Variants in DGUOK observed in about 807,000 individuals in gnomAD.
DGUOK encodes the protein deoxyguanosine kinase.
In DGUOK, 30 loss-of-function variants were observed where a neutral mutation model predicts 36.6. That is an observed-to-expected ratio of 0.82 (90% CI 0.61 to 1.11). The LOEUF (loss-of-function observed/expected upper bound fraction) is 1.11, where lower values mean the gene tolerates loss of function less well. Among genes scored for constraint, DGUOK ranks in the 50% most tolerant of loss-of-function variants. The pLI is 0.00. For synonymous variants in DGUOK, 145 were observed against 126.3 expected (o/e 1.15, Z -0.99); for missense variants, 361 against 336.4 (o/e 1.07, Z -0.57).
At chr2:73,947,256 T>G (rs1682403470) in intron 3 of DGUOK, 1 of 301,562 alleles carries the variant, frequency 3.3e-6, no homozygotes, top group Non-Finnish European at 6.5e-6. Flanking sequence ...GCAGTGTATA[T>G]TCTAAGAAAT....
At chr2:73,938,501 G>T (rs1025373686) in intron 1 of DGUOK, among the ~76,000 whole-genome samples, 2 of 152,158 alleles carry the variant, frequency 1.3e-5, no homozygotes, top group African/African-American at 4.8e-5. Flanking sequence ...TTGAATGAAT[G>T]AGATTATAAT....
intron 4 of DGUOK, among the ~76,000 whole-genome samples, chr2:73,956,366 A>C: frequency 6.6e-6 from 1 of 152,218 alleles, no homozygotes; most frequent in East Asian, 1.9e-4. Flanking sequence ...AACATTTTAT[A>C]AATGCAATGC....
Position 73,958,775 on chromosome 2 carries a change from G to A in DGUOK, c.*39G>A, listed in dbSNP as rs201916726. ...GTTCAGGCTGTGATCTGGGCTCCCTGACTTTCTGAAGCTAGAAAAATGTTG... is the reference window on the plus strand; with the variant it reads ...GTTCAGGCTGTGATCTGGGCTCCCTAACTTTCTGAAGCTAGAAAAATGTTG... On this transcript the variant is annotated 3_prime_UTR_variant, in exon 7 of 7. Transcript: ENST00000264093. 3.2e-6 allele frequency: 5 copies of A among 1,584,156 alleles called. No individual in the cohort carries two copies. Among genetic ancestry groups the A allele is most frequent in the Non-Finnish European group, 4.3e-6 (5 of 1,152,642 alleles).
rs1396535452 is a variant in DGUOK, at chr2:73,958,883, T to A, written c.*147T>A. ...TCAAGAGCTGGTTTGTTAATTATTG[T>A]TAGACTTTGCCATTGTTTTCTTTTG... On this transcript the variant is annotated 3_prime_UTR_variant, in exon 7 of 7. Coordinates refer to ENST00000264093, the MANE Select transcript of DGUOK (RefSeq NM_080916.3). The A allele has an allele frequency of 1.4e-6, 1 of 698,956 alleles. No homozygotes were observed. The highest frequency in any genetic ancestry group is 1.8e-5 in the African/African-American group (1 of 55,510). 43.3% of individuals were successfully genotyped at this position (698,956 alleles called of 1,614,324 possible). A position where few individuals can be genotyped will look rare whatever the true frequency, so the allele number is the denominator to read the frequency against.
intron 2 of DGUOK, among the ~76,000 whole-genome samples, chr2:73,941,665 G>A (rs1681910894): frequency 6.6e-6 from 1 of 152,014 alleles, no homozygotes; most frequent in Non-Finnish European, 1.5e-5. Context: ...TATTTTGAAT[G>A]TTTAGTTTTC....
At chr2:73,931,416 A>G (rs13429684) in intron 1 of DGUOK, among the ~76,000 whole-genome samples, 4 of 152,188 alleles carry the variant, frequency 2.6e-5, no homozygotes, top group Admixed American at 1.3e-4. Flanking sequence ...CTGAGACTAC[A>G]GGCATGTGCC....
chr2:73,927,355 G>A (rs183980533), intron 1 of DGUOK, among the ~76,000 whole-genome samples: 248 of 152,298 alleles, frequency 1.6e-3, no homozygotes, highest in African/African-American at 5.8e-3. Context: ...GCGACAAGCG[G>A]GTGCAGTTTA....
In DGUOK at chr2:73,934,002, A is replaced by AT. The variant is rs538211604; in HGVS notation, c.143-4900dup. Among the ~76,000 whole-genome samples the AT allele has an allele frequency of 4.5e-3, 688 of 152,144 alleles. 5 individuals are homozygous for AT. Among genetic ancestry groups the AT allele is most frequent in the Admixed American group, 5.4e-3 (82 of 15,268 alleles). On this transcript the variant is annotated intron_variant, in intron 1 of 6. Coordinates refer to ENST00000264093, the MANE Select transcript of DGUOK (RefSeq NM_080916.3). ...TTTTGGTAAAAGATTTCAGAATTGG[A>AT]TTTTTTTTCTCATGTTTTTCATCTT...
chr2:73,951,030 C>G (rs1239049096), intron 4 of DGUOK, among the ~76,000 whole-genome samples: 1 of 152,112 alleles, frequency 6.6e-6, no homozygotes, highest in Non-Finnish European at 1.5e-5. Context: ...GTGGGACGCT[C>G]TGACCTGTAG....
intron 1 of DGUOK, among the ~76,000 whole-genome samples, chr2:73,931,453 T>C (rs1681031323): frequency 6.6e-6 from 1 of 152,148 alleles, no homozygotes; most frequent in African/African-American, 2.4e-5. Flanking sequence ...ACATGCAGTT[T>C]TAATGAAAGA....
intron 1 of DGUOK, among the ~76,000 whole-genome samples, chr2:73,934,121 G>A (rs1681270865): frequency 6.6e-6 from 1 of 152,066 alleles, no homozygotes; most frequent in South Asian, 2.1e-4. Context: ...GTTATTTTGG[G>A]TATTACATCA....
intron 3 of DGUOK, among the ~76,000 whole-genome samples, chr2:73,947,470 T>C (rs532889529): frequency 6.6e-6 from 1 of 152,300 alleles, no homozygotes; most frequent in African/African-American, 2.4e-5. Flanking sequence ...GTGAGAGGGC[T>C]TTTTGCTGGC....
intron 4 of DGUOK, among the ~76,000 whole-genome samples, chr2:73,956,133 G>T (rs756334843): frequency 4.6e-5 from 7 of 152,154 alleles, no homozygotes; most frequent in Non-Finnish European, 1.0e-4. Flanking sequence ...TGTGTGACAG[G>T]TAAAGAAGAT....
intron 2 of DGUOK, among the ~76,000 whole-genome samples, chr2:73,943,051 C>G (rs949986564): frequency 6.6e-6 from 1 of 151,986 alleles, no homozygotes; most frequent in African/African-American, 2.4e-5. Flanking sequence ...ATGTACTATT[C>G]CATTAATTTG....
chr2:73,937,428 G>C (rs574542317), intron 1 of DGUOK, among the ~76,000 whole-genome samples: 11 of 152,352 alleles, frequency 7.2e-5, no homozygotes, highest in Admixed American at 4.6e-4. Context: ...AGAGAGCAAG[G>C]CCAGCATCAG....
intron 2 of DGUOK, among the ~76,000 whole-genome samples, chr2:73,945,082 C>CG (rs1224902997): frequency 1.3e-5 from 2 of 152,220 alleles, no homozygotes; most frequent in East Asian, 3.8e-4. Context: ...TCTTTGGAAT[C>CG]TAATAGTGCT....
intron 4 of DGUOK, among the ~76,000 whole-genome samples, chr2:73,954,932 T>C (rs1682978298): frequency 6.6e-6 from 1 of 152,202 alleles, no homozygotes; most frequent in Admixed American, 6.5e-5. Flanking sequence ...ACTAAAGCAC[T>C]GTTTGCACGG....
At chr2:73,954,174 G>A (rs1021191316) in intron 4 of DGUOK, among the ~76,000 whole-genome samples, 1 of 151,850 alleles carries the variant, frequency 6.6e-6, no homozygotes, top group Non-Finnish European at 1.5e-5. Context: ...AGAGCCCCCT[G>A]CCCTCTACAA....
rs868377068 is a variant in DGUOK at position 73,958,210 on chromosome 2, G to C, written c.772G>C (p.Glu258Gln). The change falls in exon 6 of 7, where the codon GAG becomes CAG. Residue 258 changes from glutamate to glutamine, a missense_variant. Transcript: ENST00000264093. Reference protein sequence around the residue: ...LVLDVNDDFSEEVTKQEDLMR... With the variant: ...LVLDVNDDFSQEVTKQEDLMR... ...GTTGGATGTCAATGATGATTTTTCT[G>C]AGGAAGTAACCAAACAAGAAGACCT... The C allele has an allele frequency of 6.2e-7, 1 of 1,613,732 alleles. No individual in the cohort carries two copies. Among genetic ancestry groups the C allele is most frequent in the Admixed American group, 1.7e-5 (1 of 59,994 alleles).
Sources: allele counts gnomAD v4.1 joint callset (sites outside exome capture counted in the v4.1 genomes callset), GRCh38; gene constraint gnomAD v4.1.1; transcripts MANE v1.5; gene names NCBI Gene and HGNC (gene_info 2026-07-23, HGNC 2026-07-21).